XPO4: variants seen among roughly 807,000 people sequenced by gnomAD.
XPO4 encodes exportin-4.
Under a neutral mutation model 143.0 loss-of-function variants are expected in XPO4, and 39 were observed. That is an observed-to-expected ratio of 0.27 (90% CI 0.21 to 0.36). XPO4 has a LOEUF of 0.36. Among genes scored for constraint, XPO4 ranks in the 10% least tolerant of loss-of-function variants. XPO4 has a pLI of 1.00. For missense variants in XPO4, 907 were observed against 1,348.0 expected, an observed-to-expected ratio of 0.67 and a Z score of 5.12; for synonymous variants, 439 against 474.0, an observed-to-expected ratio of 0.93 and a Z score of 0.96.
Position 20,827,196 on chromosome 13 carries a change from G to A in XPO4, c.728-17C>T, listed in dbSNP as rs1307005547. 8 of 1,536,450 alleles carry A rather than the reference G, an allele frequency of 5.2e-6. No individual in the cohort carries two copies. Among genetic ancestry groups the A allele is most frequent in the Non-Finnish European group, 7.2e-6 (8 of 1,109,550 alleles). On this transcript the variant is annotated splice_polypyrimidine_tract_variant and intron_variant, in intron 6 of 22. Transcript: ENST00000255305. ...GTCTGCCCAGTTATTTGGTGTCAAG[G>A]TCAACAACAATAACATTCTTACTTT...
At chr13:20,895,765 G>A (rs1387828038) in intron 1 of XPO4, among the ~76,000 whole-genome samples, 1 of 151,768 alleles carries the variant, frequency 6.6e-6, no homozygotes, top group East Asian at 1.9e-4. Context: ...CTTATTTTGA[G>A]TATCTTTCCA....
intron 4 of XPO4, chr13:20,848,310 T>C: frequency 1.0e-6 from 1 of 985,428 alleles, no homozygotes; most frequent in Non-Finnish European, 1.2e-6. Flanking sequence ...TTTGAATCAG[T>C]TAGAAAATCT....
chr13:20,793,548 TATTGACTG>T (rs537228348), intron 18 of XPO4, among the ~76,000 whole-genome samples: 22 of 151,726 alleles, frequency 1.4e-4, no homozygotes, highest in African/African-American at 4.1e-4. Context: ...TGCCCTTTCT[TATTGACTG>T]ATTGACTGAT....
intron 4 of XPO4, chr13:20,851,703 C>T (rs1239082081): frequency 2.7e-5 from 24 of 875,998 alleles, no homozygotes; most frequent in Non-Finnish European, 3.2e-5. Context: ...GAGCAAGACC[C>T]GGTCTCACAA....
rs187540448 is a variant in XPO4, at chr13:20,781,041, G to A, written c.*2681C>T. 1.3e-5 allele frequency: 2 copies of A among 152,192 alleles called. No homozygotes were observed. Among genetic ancestry groups the A allele is most frequent in the Admixed American group, 6.5e-5 (1 of 15,292 alleles). 9.4% of individuals were successfully genotyped at this position (152,192 alleles called of 1,614,324 possible). On this transcript the variant is annotated 3_prime_UTR_variant, in exon 23 of 23. Transcript: ENST00000255305. ...AACTAGAGGTTAAAGGATACTATATGAACAACAGAAATTTTATAAAACAAA... is the reference window on the plus strand; with the variant it reads ...AACTAGAGGTTAAAGGATACTATATAAACAACAGAAATTTTATAAAACAAA...
chr13:20,879,319 G>A lies in XPO4; in HGVS notation c.70-10618C>T, dbSNP rs1014353964. 1.5e-5 allele frequency: 15 copies of A among 985,098 alleles called. No individual in the cohort carries two copies. The African/African-American group carries it at 2.6e-4, about 17-fold the overall frequency. The allele number at this position is 985,098 out of a possible 1,614,324, so 61.0% of individuals were successfully genotyped here. On this transcript the variant is annotated intron_variant, in intron 1 of 22. Transcript: ENST00000255305. ...GGGGACCAGGGAAGAGAAAAAGAAG[G>A]GAGAAGGGAGGGAAGGATTAACTTG...
intron 9 of XPO4, among the ~76,000 whole-genome samples, chr13:20,821,269 T>C (rs1015595221): frequency 2.0e-5 from 3 of 151,376 alleles, no homozygotes; most frequent in East Asian, 1.9e-4. Context: ...AACCAAATTA[T>C]GTTTACATAA....
rs545274015 is a variant in XPO4, at chr13:20,831,940, C to A, written c.728-4761G>T. On this transcript the variant is annotated intron_variant, in intron 6 of 22. Transcript: ENST00000255305. Reference sequence around the variant, plus strand: ...CTTCTAAGCTCATTGCCATCATAATCCCTTGGAAAATCAGTTCCAGCTACA... The same window carrying A: ...CTTCTAAGCTCATTGCCATCATAATACCTTGGAAAATCAGTTCCAGCTACA... Among the ~76,000 whole-genome samples the A allele has an allele frequency of 2.6e-5, 4 of 151,216 alleles. No individual in the cohort carries two copies. The East Asian group carries it at 7.9e-4, about 30-fold the overall frequency.
intron 1 of XPO4, among the ~76,000 whole-genome samples, chr13:20,882,326 C>T (rs1450467620): frequency 6.6e-6 from 1 of 152,106 alleles, no homozygotes; most frequent in African/African-American, 2.4e-5. Context: ...AACATCTGCT[C>T]AGCTTCTGGT....
At position 20,777,700 on chromosome 13, in the gene XPO4, T is replaced by C. The variant is rs1432174728; in HGVS notation, c.*6022A>G. 1 of 152,220 alleles carries C rather than the reference T, an allele frequency of 6.6e-6. No homozygotes were observed. Among genetic ancestry groups the C allele is most frequent in the Non-Finnish European group, 1.5e-5 (1 of 68,036 alleles). The allele number at this position is 152,220 out of a possible 1,614,324, so 9.4% of individuals were successfully genotyped here. On this transcript the variant is annotated 3_prime_UTR_variant, in exon 23 of 23. Coordinates refer to ENST00000255305, the MANE Select transcript of XPO4 (RefSeq NM_022459.5). ...ATTATCAAAACAAGAACAAAACTGCTCACTACTGTGGGAATAAAAATGTTT... is the reference window on the plus strand; with the variant it reads ...ATTATCAAAACAAGAACAAAACTGCCCACTACTGTGGGAATAAAAATGTTT...
At chr13:20,838,348 G>A (rs991031464) in intron 6 of XPO4, among the ~76,000 whole-genome samples, 2 of 151,770 alleles carry the variant, frequency 1.3e-5, no homozygotes, top group African/African-American at 4.8e-5. Flanking sequence ...AGTGGCTCAC[G>A]CCTGTAATCC....
intron 1 of XPO4, among the ~76,000 whole-genome samples, chr13:20,896,081 T>C (rs1177617245): frequency 6.6e-6 from 1 of 152,220 alleles, no homozygotes; most frequent in Non-Finnish European, 1.5e-5. Context: ...ACCTTTACAA[T>C]GTGAAATAAC....
At chr13:20,857,772 G>A (rs981446543) in intron 3 of XPO4, 49 of 863,496 alleles carry the variant, frequency 5.7e-5, no homozygotes, top group Non-Finnish European at 6.3e-5. Flanking sequence ...GCACAAAGAA[G>A]TAATCTGCCC....
chr13:20,796,716 G>T, intron 17 of XPO4, 48 bp downstream of exon 17: 1 of 1,377,924 alleles, frequency 7.3e-7, no homozygotes, highest in Non-Finnish European at 9.6e-7. Context: ...TTTTATTACA[G>T]CTTCAAAGAG....
At chr13:20,887,917 G>A (rs182504853) in intron 1 of XPO4, among the ~76,000 whole-genome samples, 279 of 151,840 alleles carry the variant, frequency 1.8e-3, no homozygotes, top group African/African-American at 6.5e-3. Flanking sequence ...ACGCCTATCT[G>A]TAATTCCGGC....
At chr13:20,850,722 G>A in intron 4 of XPO4, 1 of 843,504 alleles carries the variant, frequency 1.2e-6, no homozygotes, top group Non-Finnish European at 1.4e-6. Context: ...TTATGAACAT[G>A]TCACTGCACT....
At chr13:20,797,354 T>C (rs763382436) in intron 16 of XPO4, among the ~76,000 whole-genome samples, 14 of 152,130 alleles carry the variant, frequency 9.2e-5, no homozygotes, top group Non-Finnish European at 2.1e-4. Context: ...AAAAAAACTT[T>C]GTTTACAAAA....
intron 6 of XPO4, among the ~76,000 whole-genome samples, chr13:20,842,494 T>C (rs2059986482): frequency 6.6e-6 from 1 of 152,142 alleles, no homozygotes; most frequent in South Asian, 2.1e-4. Context: ...AAGATTAAAT[T>C]AGAGCACTCC....
chr13:20,900,866 C>T (rs2060614703), intron 1 of XPO4, among the ~76,000 whole-genome samples: 1 of 152,188 alleles, frequency 6.6e-6, no homozygotes, highest in East Asian at 1.9e-4. Flanking sequence ...CCCACCTCGG[C>T]CTCCCAAAGT....
Sources: gnomAD v4.1 joint callset for allele counts (sites outside exome capture counted in the v4.1 genomes callset) on GRCh38, gnomAD v4.1.1 for gene constraint, MANE v1.5 for transcripts, NCBI Gene and HGNC (gene_info 2026-07-23, HGNC 2026-07-21) for gene names.